The following SORCS1 variants were observed in gnomAD, a reference collection of about 807,000 sequenced individuals.
SORCS1 encodes the protein sortilin related VPS10 domain containing receptor 1, also known as VPS10 domain-containing receptor SorCS1.
In SORCS1, 60 loss-of-function variants were observed where a neutral mutation model predicts 146.1. The ratio of observed to expected loss-of-function variants is 0.41; its 90% CI spans 0.33 to 0.51. The LOEUF (loss-of-function observed/expected upper bound fraction) is 0.51, where lower values mean the gene tolerates loss of function less well. SORCS1 is among the 20% of genes least tolerant of loss of function. SORCS1 has a pLI of 0.21. For synonymous variants in SORCS1, 637 were observed against 584.0 expected, an observed-to-expected ratio of 1.09 and a Z score of -1.31; for missense variants, 1,352 against 1,487.6, an observed-to-expected ratio of 0.91 and a Z score of 1.50.
At chr10:107,100,491 G>A (rs1475768827) in intron 1 of SORCS1, among the ~76,000 whole-genome samples, 2 of 150,640 alleles carry the variant, frequency 1.3e-5, no homozygotes, top group East Asian at 3.9e-4. Flanking sequence ...TCCAGCCTGG[G>A]CAACAGAGCA....
At chr10:106,671,512 T>C in intron 15 of SORCS1, 145 bp from the exon 16 acceptor site, 2 of 1,185,630 alleles carry the variant, frequency 1.7e-6, no homozygotes, top group African/African-American at 1.5e-5. Context: ...CATTTTCCTT[T>C]TGCGGTCTAG....
At chr10:106,701,319 C>A (rs1462756545) in intron 8 of SORCS1, among the ~76,000 whole-genome samples, 3 of 152,110 alleles carry the variant, frequency 2.0e-5, no homozygotes, top group African/African-American at 7.2e-5. Flanking sequence ...TTCCTACTTT[C>A]TTCTACCAGC....
At chr10:106,834,160 G>T (rs1948686262) in intron 2 of SORCS1, among the ~76,000 whole-genome samples, 1 of 152,122 alleles carries the variant, frequency 6.6e-6, no homozygotes, top group South Asian at 2.1e-4. Context: ...TCCAGTTCTA[G>T]TCGCACATTT....
intron 1 of SORCS1, among the ~76,000 whole-genome samples, chr10:107,052,813 G>C (rs1323709272): frequency 2.0e-5 from 3 of 151,776 alleles, no homozygotes; most frequent in Non-Finnish European, 4.4e-5. Context: ...AGTGAAATAG[G>C]CCCTTATTAG....
chr10:106,655,903 T>G (rs1018845572), intron 17 of SORCS1, among the ~76,000 whole-genome samples: 1 of 152,208 alleles, frequency 6.6e-6, no homozygotes, highest in Non-Finnish European at 1.5e-5. Context: ...TTTAATATGT[T>G]ATTAAATGGG....
intron 2 of SORCS1, among the ~76,000 whole-genome samples, chr10:106,910,283 T>TG (rs1952083686): frequency 6.8e-6 from 1 of 146,036 alleles, no homozygotes; most frequent in Non-Finnish European, 1.5e-5. Flanking sequence ...TCTCTTTACA[T>TG]TGTGTGTGTG....
intron 2 of SORCS1, among the ~76,000 whole-genome samples, chr10:106,945,381 T>G (rs1391287154): frequency 6.6e-6 from 1 of 152,180 alleles, no homozygotes; most frequent in Non-Finnish European, 1.5e-5. Flanking sequence ...TATACTCAAA[T>G]AGCACTTAAT....
chr10:106,988,520 T>C (rs1333621087), intron 1 of SORCS1, among the ~76,000 whole-genome samples: 2 of 151,914 alleles, frequency 1.3e-5, no homozygotes, highest in Non-Finnish European at 2.9e-5. Context: ...AGCTACTGGG[T>C]CAAAAAGTGA....
chr10:107,118,371 T>C (rs1318250545), intron 1 of SORCS1, among the ~76,000 whole-genome samples: 1 of 152,218 alleles, frequency 6.6e-6, no homozygotes, highest in Non-Finnish European at 1.5e-5. Context: ...CAAAACTGAC[T>C]AAGACAATGT....
chr10:106,928,573 A>G (rs1953210983), intron 2 of SORCS1, among the ~76,000 whole-genome samples: 1 of 152,220 alleles, frequency 6.6e-6, no homozygotes, highest in African/African-American at 2.4e-5. Context: ...GGGCTCCTTA[A>G]GTGCCGCCAA....
intron 1 of SORCS1, among the ~76,000 whole-genome samples, chr10:107,004,980 T>G (rs1322850744): frequency 6.6e-6 from 1 of 152,122 alleles, no homozygotes; most frequent in Non-Finnish European, 1.5e-5. Flanking sequence ...TCCAGTTGCC[T>G]GCCAATATGG....
intron 1 of SORCS1, among the ~76,000 whole-genome samples, chr10:107,021,779 C>T (rs1176186608): frequency 6.6e-6 from 1 of 152,040 alleles, no homozygotes; most frequent in Non-Finnish European, 1.5e-5. Context: ...TTTCACTAGC[C>T]TGATCAATTA....
At chr10:106,891,880 T>G (rs1160364008) in intron 2 of SORCS1, among the ~76,000 whole-genome samples, 3 of 152,148 alleles carry the variant, frequency 2.0e-5, no homozygotes, top group African/African-American at 7.2e-5. Flanking sequence ...ACTTAAGAAA[T>G]GTACTGTTCT....
chr10:107,038,631 T>A (rs944443449), intron 1 of SORCS1, among the ~76,000 whole-genome samples: 21 of 151,450 alleles, frequency 1.4e-4, no homozygotes, highest in Non-Finnish European at 3.1e-4. Context: ...CTCTTTGTTT[T>A]AAACTGGTAA....
intron 18 of SORCS1, among the ~76,000 whole-genome samples, chr10:106,645,598 A>T (rs544585837): frequency 1.1e-4 from 16 of 152,138 alleles, no homozygotes; most frequent in African/African-American, 3.9e-4. Flanking sequence ...TCATATGCTT[A>T]TTGGCTATTT....
intron 1 of SORCS1, among the ~76,000 whole-genome samples, chr10:107,044,679 C>T (rs186554432): frequency 0.01 from 1,555 of 151,348 alleles, 33 homozygotes; most frequent in Non-Finnish European, 0.012. Flanking sequence ...AAAAATTAGC[C>T]GGGTGTTGTG....
At chr10:106,937,969 GAA>G in intron 2 of SORCS1, among the ~76,000 whole-genome samples, 1 of 20,294 alleles carries the variant, frequency 4.9e-5, no homozygotes, top group Admixed American at 4.0e-4. Context: ...GTCTCAAAAA[GAA>G]GAAAAAAAAA....
chr10:106,729,995 C>T, intron 6 of SORCS1, 55 bp downstream of exon 6: 2 of 1,543,954 alleles, frequency 1.3e-6, no homozygotes, highest in Non-Finnish European at 1.8e-6. Context: ...CAGTTCATGA[C>T]AGAGTCATAG....
intron 1 of SORCS1, among the ~76,000 whole-genome samples, chr10:107,094,293 A>G (rs1271043619): frequency 1.3e-5 from 2 of 152,216 alleles, no homozygotes; most frequent in Non-Finnish European, 2.9e-5. Context: ...AACATCCTTC[A>G]ATCAAATAGA....
Sources: allele counts gnomAD v4.1 joint callset (sites outside exome capture counted in the v4.1 genomes callset), GRCh38; gene constraint gnomAD v4.1.1; transcripts MANE v1.5; gene names NCBI Gene and HGNC (gene_info 2026-07-23, HGNC 2026-07-21).